The following MMP1 variants were observed in gnomAD, a reference collection of about 807,000 sequenced individuals.
The protein encoded by MMP1 is interstitial collagenase.
In MMP1, 51 loss-of-function variants were observed where a neutral mutation model predicts 49.6. The ratio of observed to expected loss-of-function variants is 1.03; its 90% CI spans 0.82 to 1.30. MMP1 has a LOEUF of 1.30. MMP1 is among the 50% of genes most tolerant of loss of function. MMP1 has a pLI of 0.00. For missense variants in MMP1, 623 were observed against 568.7 expected (o/e 1.10, Z -0.97); for synonymous variants, 230 against 196.8 (o/e 1.17, Z -1.41).
Position 102,792,735 on chromosome 11 carries a change from G to A in MMP1, c.903C>T (p.Phe301=), listed in dbSNP as rs1052874723. ...GGTAGAAGGGATTTGTGCGCATGTA[G>A]AATCTGATTAGAAAAAAAGCAAGAA... The part of the protein sequence containing the change: ...RGEVMFFKDR[F]YMRTNPFYPE... Residue 301 remains phenylalanine, a synonymous_variant, in exon 7 of 10, where the codon TTC becomes TTT. Transcript: ENST00000315274. The A allele has an allele frequency of 1.7e-5, 27 of 1,604,020 alleles. No individual in the cohort carries two copies. The highest frequency in any genetic ancestry group is 2.2e-5 in the Non-Finnish European group (26 of 1,175,198).
Position 102,790,462 on chromosome 11 carries a change from T to C in MMP1, c.1360A>G (p.Ile454Val), listed in dbSNP as rs1857993675. The C allele has an allele frequency of 3.7e-6, 6 of 1,611,162 alleles. No individual in the cohort carries two copies. The highest frequency in any genetic ancestry group is 1.3e-5 in the African/African-American group (1 of 74,834). Residue 454 changes from isoleucine (I) to valine (V), a missense_variant, in exon 10 of 10, where the codon ATT (isoleucine) becomes GTT (valine). Physicochemically the swap from Ile to Val is conservative, Grantham distance 29. Coordinates refer to ENST00000315274, the MANE Select transcript of MMP1 (RefSeq NM_002421.4). Reference protein sequence around the residue: ...QYKFDPKTKRILTLQKANSWF... With the variant: ...QYKFDPKTKRVLTLQKANSWF... ...CTATTAGCTTTCTGGAGAGTCAAAA[T>C]TCTCTTCGTTTTAGGATCAAATTTG... is the stretch of plus-strand genomic sequence containing the variant.
intron 8 of MMP1, among the ~76,000 whole-genome samples, 170 bp from the exon 9 acceptor site, chr11:102,790,976 C>T (rs1157336622): frequency 2.0e-5 from 3 of 152,194 alleles, no homozygotes; most frequent in African/African-American, 7.2e-5. Flanking sequence ...AACTAAAAGG[C>T]CTTTAAGGCC....
At chr11:102,796,941 A>G in intron 3 of MMP1, 73 bp downstream of exon 3, 1 of 1,551,942 alleles carries the variant, frequency 6.4e-7, no homozygotes, top group South Asian at 1.2e-5. Context: ...TTCATCTTAA[A>G]CAATCAATTC....
intron 6 of MMP1, 83 bp downstream of exon 6, chr11:102,795,091 C>T: frequency 1.9e-6 from 2 of 1,075,990 alleles, no homozygotes; most frequent in Non-Finnish European, 2.9e-6. Context: ...AAATAAGTAA[C>T]ATGTGAAGCA....
At chr11:102,796,835 G>A in intron 3 of MMP1, 46 bp from the exon 4 acceptor site, 2 of 1,599,596 alleles carry the variant, frequency 1.3e-6, no homozygotes, top group South Asian at 2.3e-5. Flanking sequence ...TCTTATGTAA[G>A]CTAAGCCAGA....
At chr11:102,791,306 C>A (rs762006507) in intron 8 of MMP1, 27 bp downstream of exon 8, 1 of 1,612,892 alleles carries the variant, frequency 6.2e-7, no homozygotes, top group Non-Finnish European at 8.5e-7. Context: ...GAACTGAGGC[C>A]CTAACATTCT....
At position 102,790,686 on chromosome 11, in the gene MMP1, C is replaced by T. The variant is rs916428819; in HGVS notation, c.1300+17G>A. 1.3e-6 allele frequency: 2 copies of T among 1,539,230 alleles called. No homozygotes were observed. The highest frequency in any genetic ancestry group is 2.7e-5 in the African/African-American group (2 of 73,346). On this transcript the variant is annotated intron_variant, in intron 9 of 9. Coordinates refer to ENST00000315274, the MANE Select transcript of MMP1 (RefSeq NM_002421.4). ...CTACGGCAATGAAATGGAGGAAATACATGTATATTCACTTACCATCTTTCA... is the reference window on the plus strand; with the variant it reads ...CTACGGCAATGAAATGGAGGAAATATATGTATATTCACTTACCATCTTTCA...
Position 102,790,144 on chromosome 11 carries a change from G to C in MMP1, c.*268C>G. 1 of 253,738 alleles carries C rather than the reference G, an allele frequency of 3.9e-6. No individual in the cohort carries two copies. The highest frequency in any genetic ancestry group is 7.5e-6 in the Non-Finnish European group (1 of 134,042). 15.7% of individuals were successfully genotyped at this position (253,738 alleles called of 1,614,324 possible). On this transcript the variant is annotated 3_prime_UTR_variant, in exon 10 of 10. Coordinates refer to ENST00000315274, the MANE Select transcript of MMP1 (RefSeq NM_002421.4). ...ATCAACGTCAGAGTTGCATACTCTG[G>C]AAAAGATCTTTGCAACTCTGGCCTA...
rs1279871326 is a variant in MMP1 at position 102,791,433 on chromosome 11, T to G, written c.1096A>C (p.Ser366Arg). 2 of 1,614,044 alleles carry G rather than the reference T, an allele frequency of 1.2e-6. No individual in the cohort carries two copies. The highest frequency in any genetic ancestry group is 1.3e-5 in the African/African-American group (1 of 75,056). Residue 366 changes from serine to arginine, a missense_variant, in exon 8 of 10, where the codon AGC becomes CGC. By Grantham distance (110) the Ser-to-Arg change is moderately radical (BLOSUM62 -1). Transcript: ENST00000315274. ...ACAGTTCTAGGGAAGCCAAAGGAGC[T>G]GTAGATGTCCTTGGGGTATCCGTGT... The part of the protein sequence containing the change: ...VLHGYPKDIY[S>R]SFGFPRTVKH...
Position 102,797,281 on chromosome 11 carries a change from A to G in MMP1, c.325T>C (p.Trp109Arg), listed in dbSNP as rs1262028009. The G allele has an allele frequency of 1.2e-6, 2 of 1,614,086 alleles. No homozygotes were observed. The highest frequency in any genetic ancestry group is 2.7e-5 in the African/African-American group (2 of 74,946). Reference sequence around the variant, plus strand: ...CTGTAGGTCAGATGTGTTTGCTCCCAGCGAGGGTTCCCCTCAGTGAGGACA... The same window carrying G: ...CTGTAGGTCAGATGTGTTTGCTCCCGGCGAGGGTTCCCCTCAGTGAGGACA... ...QFVLTEGNPR[W>R]EQTHLTYRIE... The change falls in exon 2 of 10, where the codon TGG becomes CGG. Residue 109 changes from tryptophan to arginine, a missense_variant. Trp to Arg is a moderately radical substitution (Grantham distance 101). Coordinates refer to ENST00000315274, the MANE Select transcript of MMP1 (RefSeq NM_002421.4).
chr11:102,797,968 A>T lies in MMP1; in HGVS notation c.105+20T>A, dbSNP rs1346965562. ...CAAACTAAAAATTTACATTATTGTC[A>T]CATGCAATGCAGCATTTACCTGGAC... On this transcript the variant is annotated intron_variant, in intron 1 of 9. Transcript: ENST00000315274. 1 of 1,531,590 alleles carries T rather than the reference A, an allele frequency of 6.5e-7. No homozygotes were observed. The highest frequency in any genetic ancestry group is 9.0e-7 in the Non-Finnish European group (1 of 1,112,622). 94.9% of individuals were successfully genotyped at this position (1,531,590 alleles called of 1,614,324 possible).
rs1858003595 is a variant in MMP1, at chr11:102,790,728, T to G, written c.1275A>C (p.Lys425Asn). Reference protein sequence around the residue: ...IAHDFPGIGHKVDAVFMKDGF... With the variant: ...IAHDFPGIGHNVDAVFMKDGF... ...CATCTTTCATGAAAACTGCATCAAC[T>G]TTGTGGCCAATTCCAGGAAAGTCAT... Residue 425 changes from lysine to asparagine, a missense_variant, in exon 9 of 10, where the codon AAA (lysine) becomes AAC (asparagine). Physicochemically the swap from Lys to Asn is moderately conservative, Grantham distance 94 (BLOSUM62 0). Coordinates refer to ENST00000315274, the MANE Select transcript of MMP1 (RefSeq NM_002421.4). 5.0e-6 allele frequency: 8 copies of G among 1,612,648 alleles called. No homozygotes were observed. The highest frequency in any genetic ancestry group is 6.8e-6 in the Non-Finnish European group (8 of 1,178,752).
At chr11:102,797,535 A>C (rs1417863947) in intron 1 of MMP1, 35 bp from the exon 2 acceptor site, 1 of 1,608,258 alleles carries the variant, frequency 6.2e-7, no homozygotes, top group Admixed American at 1.7e-5. Flanking sequence ...ACTGCATGGG[A>C]AATCTTTCTC....
intron 6 of MMP1, 110 bp downstream of exon 6, chr11:102,795,064 A>G: frequency 1.1e-6 from 1 of 903,838 alleles, no homozygotes; most frequent in African/African-American, 1.6e-5. Flanking sequence ...ATGTGATTAT[A>G]GATGTAAATC....
Position 102,797,495 on chromosome 11 carries a change from G to T in MMP1, c.111C>A (p.Tyr37Ter). 3 of 1,613,574 alleles carry T rather than the reference G, an allele frequency of 1.9e-6. No individual in the cohort carries two copies. The highest frequency in any genetic ancestry group is 1.3e-5 in the African/African-American group (1 of 74,982). ...QEQDVDLVQK[Y>*]LEKYYNLKND... Reference sequence around the variant, plus strand: ...TCTTCAGGTTGTAGTATTTTTCCAGGTATTTCTGACAAAAGAAAATTATCG... The same window carrying T: ...TCTTCAGGTTGTAGTATTTTTCCAGTTATTTCTGACAAAAGAAAATTATCG... Residue 37 changes from tyrosine (Y) to a stop codon, truncating the protein, a stop_gained, in exon 2 of 10, where the codon TAC (tyrosine) becomes TAA (stop). Coordinates refer to ENST00000315274, the MANE Select transcript of MMP1 (RefSeq NM_002421.4). LOFTEE classifies it high-confidence loss of function.
rs994856353 is a variant in MMP1 at position 102,790,202 on chromosome 11, G to T, written c.*210C>A. The T allele has an allele frequency of 2.6e-6, 1 of 383,256 alleles. No homozygotes were observed. Among genetic ancestry groups the T allele is most frequent in the Non-Finnish European group, 4.7e-6 (1 of 214,408 alleles). 23.7% of individuals were successfully genotyped at this position (383,256 alleles called of 1,614,324 possible). ...CCATAAGCCACAAACTTGACTTTTTGTACCCACCATTTGTGGAACTAAATT... is the reference window on the plus strand; with the variant it reads ...CCATAAGCCACAAACTTGACTTTTTTTACCCACCATTTGTGGAACTAAATT... On this transcript the variant is annotated 3_prime_UTR_variant, in exon 10 of 10. Transcript: ENST00000315274.
chr11:102,795,107 G>T, intron 6 of MMP1, 67 bp downstream of exon 6: 1 of 1,215,060 alleles, frequency 8.2e-7, no homozygotes, highest in Non-Finnish European at 1.2e-6. Context: ...AAGCATAATA[G>T]TTAATCATAG....
chr11:102,791,275 C>T, intron 8 of MMP1, 58 bp downstream of exon 8: 6 of 1,596,160 alleles, frequency 3.8e-6, no homozygotes, highest in Middle Eastern at 3.4e-4. Context: ...ATGGGCTATT[C>T]TAGAACTTTT....
Position 102,795,257 on chromosome 11 carries a change from T to A in MMP1, c.816A>T (p.Pro272=). ...TACTGTCACACGCTTTTGGGGTTTG[T>A]GGGCCGATGGGCTGGACAGGATTTT... The part of the protein sequence containing the change: ...RSQNPVQPIG[P]QTPKACDSKL... Residue 272 remains proline (P), a synonymous_variant, in exon 6 of 10, where the codon CCA becomes CCT. Transcript: ENST00000315274. The A allele has an allele frequency of 2.5e-6, 4 of 1,614,092 alleles. No homozygotes were observed. The highest frequency in any genetic ancestry group is 3.4e-6 in the Non-Finnish European group (4 of 1,180,002).
Sources: allele counts gnomAD v4.1 joint callset (sites outside exome capture counted in the v4.1 genomes callset), GRCh38; gene constraint gnomAD v4.1.1; transcripts MANE v1.5; gene names NCBI Gene and HGNC (gene_info 2026-07-23, HGNC 2026-07-21).